The following AGRN variants were observed in gnomAD, a reference collection of about 807,000 sequenced individuals.
AGRN encodes agrin proteoglycan.
AGRN carries 106 observed loss-of-function variants against 211.0 expected under a neutral mutation model. The ratio of observed to expected loss-of-function variants is 0.50; its 90% CI spans 0.43 to 0.59. AGRN has a LOEUF of 0.59. Ranked by LOEUF, AGRN falls within the 20% of genes least tolerant of loss-of-function variation. The pLI, the probability that AGRN is intolerant of heterozygous loss-of-function variation, is 0.00. For missense variants in AGRN, 3,040 were observed against 2,982.6 expected (o/e 1.02, Z -0.45); for synonymous variants, 1,525 against 1,332.5 (o/e 1.14, Z -3.15).
In AGRN at chr1:1,048,103, C is replaced by T. The variant is rs1359492811; in HGVS notation, c.3843C>T (p.Ser1281=). 7.0e-6 allele frequency: 11 copies of T among 1,570,664 alleles called. No individual in the cohort carries two copies. In the East Asian group the frequency reaches 2.3e-4, roughly 34 times the overall value. Residue 1281 remains serine (S), a synonymous_variant, in exon 23 of 36, where the codon TCC becomes TCT. Coordinates refer to ENST00000379370, the MANE Select transcript of AGRN (RefSeq NM_198576.4). This position sits in a 1 kb window ranked among gnomAD's most constrained non-coding sequence, Gnocchi z 5.9. ...CCACCACTGCATCGCGCCTGCCGTC[C>T]TCTGCTGTGACCCCTCGGGCCCCGC... The part of the protein sequence containing the change: ...ARATTASRLP[S]SAVTPRAPHP...
Position 1,050,546 on chromosome 1 carries a change from G to T in AGRN, c.5096G>T (p.Arg1699Leu), listed in dbSNP as rs777269140. The T allele has an allele frequency of 1.2e-6, 2 of 1,612,512 alleles. No individual in the cohort carries two copies. The highest frequency in any genetic ancestry group is 8.5e-7 in the Non-Finnish European group (1 of 1,179,794). ...GTGTCGCTGGCACTGCGGGACCGCC[G>T]CCTGGAGTTCCGCTACGACCTGGGC... ...DFVSLALRDR[R>L]LEFRYDLGKG... Residue 1699 changes from arginine to leucine, a missense_variant, in exon 29 of 36, where the codon CGC (arginine) becomes CTC (leucine). Arg to Leu is a moderately radical substitution (Grantham distance 102). Transcript: ENST00000379370.
intron 33 of AGRN, chr1:1,053,486 C>A: frequency 1.3e-6 from 2 of 1,511,904 alleles, no homozygotes; most frequent in South Asian, 1.2e-5. Flanking sequence ...TTCCGGGGCC[C>A]TTCACAGGTG....
chr1:1,045,242 C>G lies in AGRN; in HGVS notation c.2336C>G (p.Thr779Ser). 2 of 1,612,104 alleles carry G rather than the reference C, an allele frequency of 1.2e-6. No homozygotes were observed. The highest frequency in any genetic ancestry group is 1.7e-6 in the Non-Finnish European group (2 of 1,179,662). The change falls in exon 13 of 36, where the codon ACC becomes AGC. Residue 779 changes from threonine to serine, a missense_variant. Thr to Ser is a moderately conservative substitution (Grantham distance 58). Around this residue, in one of 3 missense-constraint regions of AGRN, gnomAD observed 1,498 missense variants for 1,457.8 expected, o/e 1.03. Coordinates refer to ENST00000379370, the MANE Select transcript of AGRN (RefSeq NM_198576.4). The part of the protein sequence containing the change: ...TPYGCCQDNI[T>S]AARGVGLAGC... ...TACGGCTGCTGCCAGGACAATATCA[C>G]CGCAGCCCGGGGCGTGGGCCTGGCT...
Position 1,046,473 on chromosome 1 carries a change from A to G in AGRN, c.2988A>G (p.Ala996=). 1 of 1,611,404 alleles carries G rather than the reference A, an allele frequency of 6.2e-7. No individual in the cohort carries two copies. The highest frequency in any genetic ancestry group is 2.2e-5 in the East Asian group (1 of 44,810). The change falls in exon 18 of 36, where the codon GCA becomes GCG. Residue 996 remains alanine (A), a synonymous_variant. Coordinates refer to ENST00000379370, the MANE Select transcript of AGRN (RefSeq NM_198576.4). ...VTTPGLLLSQ[A]LPAPPGALPL... is the part of the protein sequence containing the mutation. ...CCCCAGGGCTCCTCCTGAGCCAGGCACTGCCGGCCCCCCCCGGCGCCCTCC... is the reference window on the plus strand; with the variant it reads ...CCCCAGGGCTCCTCCTGAGCCAGGCGCTGCCGGCCCCCCCCGGCGCCCTCC...
In AGRN at chr1:1,052,802, G is replaced by GTA. The variant is rs766082865; in HGVS notation, c.5652-947_5652-946dup. On this transcript the variant is annotated intron_variant, in intron 33 of 35. Transcript: ENST00000379370. ...TGCACATGGGTCCATGTATGTGTGT[G>GTA]TATATGAGGGAGACACGCAGGTGTG... 3.2e-5 allele frequency: 5 copies of GTA among 156,930 alleles called. No individual in the cohort carries two copies. The Middle Eastern group carries it at 9.8e-3, about 308-fold the overall frequency. The allele number at this position is 156,930 out of a possible 1,614,324, so 9.7% of individuals were successfully genotyped here.
chr1:1,048,103 C>A lies in AGRN; in HGVS notation c.3843C>A (p.Ser1281=), dbSNP rs1359492811. 8 of 1,570,548 alleles carry A rather than the reference C, an allele frequency of 5.1e-6. No homozygotes were observed. The highest frequency in any genetic ancestry group is 6.0e-6 in the Non-Finnish European group (7 of 1,165,900). Residue 1281 remains serine (S), a synonymous_variant, in exon 23 of 36, where the codon TCC becomes TCA. Transcript: ENST00000379370. The surrounding 1 kb of genome is among the most constrained non-coding windows in gnomAD (Gnocchi z 5.9). ...ARATTASRLP[S]SAVTPRAPHP... ...CCACCACTGCATCGCGCCTGCCGTC[C>A]TCTGCTGTGACCCCTCGGGCCCCGC...
At chr1:1,022,498 G>A in intron 2 of AGRN, 36 bp downstream of exon 2, 1 of 1,584,268 alleles carries the variant, frequency 6.3e-7, no homozygotes, top group South Asian at 1.2e-5. Context: ...GGCCTGTGGG[G>A]GTCAGGGCAG....
chr1:1,046,258 G>A lies in AGRN; in HGVS notation c.2904G>A (p.Pro968=), dbSNP rs761226422. ...AAATCTCTATCCAGAGCCTGGGCCC[G>A]TGCCAGGGTGAGGCCTGACGGCCAC... is the stretch of plus-strand genomic sequence containing the variant. The part of the protein sequence containing the change: ...GLQISIQSLG[P]CQEAVAPSTH... The change falls in exon 17 of 36, where the codon CCG becomes CCA. Residue 968 remains proline (P), a synonymous_variant. Transcript: ENST00000379370. 42 of 1,613,094 alleles carry A rather than the reference G, an allele frequency of 2.6e-5. No individual in the cohort carries two copies. The highest frequency in any genetic ancestry group is 7.7e-5 in the South Asian group (7 of 91,084).
intron 24 of AGRN, 87 bp from the exon 25 acceptor site, chr1:1,049,149 G>C: frequency 2.9e-6 from 4 of 1,356,844 alleles, no homozygotes; most frequent in Non-Finnish European, 3.9e-6. Context: ...TCAGGTGGGT[G>C]GGGTGGGGAC....
intron 2 of AGRN, chr1:1,034,235 C>G (rs1287003382): frequency 2.0e-6 from 2 of 985,218 alleles, no homozygotes; most frequent in Non-Finnish European, 2.4e-6. Context: ...CCGGGAAGAC[C>G]GAGCGCTGGC....
intron 2 of AGRN, among the ~76,000 whole-genome samples, chr1:1,027,255 C>T (rs1570145954): frequency 1.3e-5 from 2 of 152,318 alleles, no homozygotes; most frequent in African/African-American, 2.4e-5. Flanking sequence ...TGTGTGTGTA[C>T]ACGCATGTGT....
intron 3 of AGRN, among the ~76,000 whole-genome samples, chr1:1,035,750 G>A (rs1644789490): frequency 6.6e-6 from 1 of 152,182 alleles, no homozygotes; most frequent in African/African-American, 2.4e-5. Context: ...GGCTGAGCTG[G>A]GGGAGGGCCC....
Position 1,043,978 on chromosome 1 carries a change from C to T in AGRN, c.1954C>T (p.Gln652Ter). 1 of 1,606,662 alleles carries T rather than the reference C, an allele frequency of 6.2e-7. No individual in the cohort carries two copies. Among genetic ancestry groups the T allele is most frequent in the Non-Finnish European group, 8.5e-7 (1 of 1,178,984 alleles). Residue 652 changes from glutamine (Q) to a stop codon, truncating the protein, a stop_gained, in exon 10 of 36, where the codon CAG (glutamine) becomes TAG (stop). Transcript: ENST00000379370. LOFTEE classifies it high-confidence loss of function. ...CGAGCTACGGGAAGCCGCCTGCCTCCAGCAGACACAGATCGAGGAGGCCCG... is the reference window on the plus strand; with the variant it reads ...CGAGCTACGGGAAGCCGCCTGCCTCTAGCAGACACAGATCGAGGAGGCCCG... ...ACELREAACL[Q>*]QTQIEEARAG...
At chr1:1,045,934 C>T (rs201331087) in intron 15 of AGRN, 30 bp from the exon 16 acceptor site, 25 of 1,612,172 alleles carry the variant, frequency 1.6e-5, no homozygotes, top group Non-Finnish European at 1.9e-5. Flanking sequence ...GTCACCCGAG[C>T]CACAGAGGTT....
Position 1,054,920 on chromosome 1 carries a change from C to A in AGRN, c.6077C>A (p.Pro2026Gln). The change falls in exon 36 of 36, where the codon CCG becomes CAG. Residue 2026 changes from proline (P) to glutamine (Q), a missense_variant. This residue lies in a region of AGRN where 1,537 missense variants were observed against 1,505.0 expected (regional missense o/e 1.02). Transcript: ENST00000379370. ...CLRDVVVGRH[P>Q]LHLLEDAVTK... is the part of the protein sequence containing the mutation. ...CGGGACGTGGTGGTGGGCCGGCACC[C>A]GCTGCACCTGCTGGAGGACGCCGTC... 1 of 1,548,736 alleles carries A rather than the reference C, an allele frequency of 6.5e-7. No individual in the cohort carries two copies. The highest frequency in any genetic ancestry group is 8.7e-7 in the Non-Finnish European group (1 of 1,147,176).
At position 1,031,704 on chromosome 1, in the gene AGRN, G is replaced by C. The variant is rs1644680383; in HGVS notation, c.464-3573G>C. 6.6e-6 allele frequency among the ~76,000 whole-genome samples: 1 copy of C among 152,228 alleles called. No homozygotes were observed. The highest frequency in any genetic ancestry group is 2.1e-4 in the South Asian group (1 of 4,836). Reference sequence around the variant, plus strand: ...TGTGTGGGGGCAAACTTCCCAGGCAGTGTTTGAGGCCCCCTCTGCCAGCCC... The same window carrying C: ...TGTGTGGGGGCAAACTTCCCAGGCACTGTTTGAGGCCCCCTCTGCCAGCCC... On this transcript the variant is annotated intron_variant, in intron 2 of 35. Coordinates refer to ENST00000379370, the MANE Select transcript of AGRN (RefSeq NM_198576.4). This position sits in a 1 kb window ranked among gnomAD's most constrained non-coding sequence, Gnocchi z 4.8.
At chr1:1,030,967 A>ATG (rs371469149) in intron 2 of AGRN, among the ~76,000 whole-genome samples, 5 of 74,816 alleles carry the variant, frequency 6.7e-5, no homozygotes, top group Admixed American at 5.0e-4. Context: ...TGAGATCAGC[A>ATG]TGTGTGTGTG....
rs1241850755 is a variant in AGRN at position 1,040,869 on chromosome 1, G to C, written c.716G>C (p.Arg239Pro). The C allele has an allele frequency of 2.0e-6, 3 of 1,517,064 alleles. No individual in the cohort carries two copies. The highest frequency in any genetic ancestry group is 2.6e-6 in the Non-Finnish European group (3 of 1,140,180). The allele number at this position is 1,517,064 out of a possible 1,614,324, so 94.0% of individuals were successfully genotyped here. A position where few individuals can be genotyped will look rare whatever the true frequency, so the allele number is the denominator to read the frequency against. ...SQQRRIRLLS[R>P]GPCGSRDPCS... ...CAGCGCCGCATCCGCCTGCTCAGCCGCGGGCCGTGCGGTGAGCGGGGCGGG... is the reference window on the plus strand; with the variant it reads ...CAGCGCCGCATCCGCCTGCTCAGCCCCGGGCCGTGCGGTGAGCGGGGCGGG... The change falls in exon 4 of 36, where the codon CGC becomes CCC. Residue 239 changes from arginine (R) to proline (P), a missense_variant. Coordinates refer to ENST00000379370, the MANE Select transcript of AGRN (RefSeq NM_198576.4).
At chr1:1,051,090 C>T (rs1194434722) in intron 30 of AGRN, 163 bp from the exon 31 acceptor site, 1 of 1,547,206 alleles carries the variant, frequency 6.5e-7, no homozygotes, top group Non-Finnish European at 8.7e-7. Context: ...GCCTCAACCC[C>T]TAGGGTAGCT....
Sources: gnomAD v4.1 joint callset for allele counts (sites outside exome capture counted in the v4.1 genomes callset) on GRCh38, gnomAD v4.1.1 for gene constraint, gnomAD v4.1.1 regional missense constraint, Gnocchi (gnomAD v3.1) non-coding constraint, MANE v1.5 for transcripts, NCBI Gene and HGNC (gene_info 2026-07-23, HGNC 2026-07-21) for gene names.